The following AIRE variants were observed in gnomAD, a reference collection of about 807,000 sequenced individuals.
AIRE encodes the protein autoimmune regulator.
A neutral mutation model predicts 62.1 loss-of-function variants in AIRE; 52 were observed. The ratio of observed to expected loss-of-function variants is 0.84; its 90% confidence interval spans 0.67 to 1.06. AIRE has a LOEUF of 1.06. Among genes scored for constraint, AIRE ranks in the 50% least tolerant of loss-of-function variants. AIRE has a pLI of 0.00. For synonymous variants in AIRE, 342 were observed against 321.6 expected (o/e 1.06, Z -0.68); for missense variants, 774 against 755.8 (o/e 1.02, Z -0.28).
In AIRE at chr21:44,289,638, A is replaced by G; in HGVS notation, c.653-19A>G. 1.2e-6 allele frequency: 2 copies of G among 1,612,656 alleles called. No homozygotes were observed. The highest frequency in any genetic ancestry group is 2.2e-5 in the South Asian group (2 of 91,078). ...CCTGCTGGGCGGGTGAGCCAGGACC[A>G]GCCGGCATCTCCTCCCAGGCGGCTC... is the stretch of plus-strand genomic sequence containing the variant. On this transcript the variant is annotated intron_variant, in intron 5 of 13. Coordinates refer to ENST00000291582, the MANE Select transcript of AIRE (RefSeq NM_000383.4).
rs754331960 is a variant in AIRE, at chr21:44,288,406, G to A, written c.600G>A (p.Pro200=). The change falls in exon 5 of 14, where the codon CCG becomes CCA. Residue 200 remains proline (P), a synonymous_variant. Transcript: ENST00000291582. ...RAVAMSSGDV[P]GARGAVEGIL... Reference sequence around the variant, plus strand: ...TGGCCATGTCCTCCGGGGACGTCCCGGGAGCCCGAGGGGCCGTGGAGGGGA... The same window carrying A: ...TGGCCATGTCCTCCGGGGACGTCCCAGGAGCCCGAGGGGCCGTGGAGGGGA... 5.1e-5 allele frequency: 82 copies of A among 1,612,506 alleles called. No homozygotes were observed. The highest frequency in any genetic ancestry group is 4.2e-4 in the Admixed American group (25 of 59,996).
In AIRE at chr21:44,285,998, GCCCAC is replaced by G; in HGVS notation, c.-4_1del. 6.5e-7 allele frequency: 1 copy of G among 1,527,448 alleles called. No homozygotes were observed. Among genetic ancestry groups the G allele is most frequent in the African/African-American group, 1.4e-5 (1 of 72,236 alleles). 94.6% of individuals were successfully genotyped at this position (1,527,448 alleles called of 1,614,324 possible). ...GTCCGCCCCAGCCCCGGGTCCCCGC[GCCCAC>G]CCCATGGCGACGGACGCGGCGCTAC... is the stretch of plus-strand genomic sequence containing the variant. On this transcript the variant is annotated 5_prime_UTR_variant, in exon 1 of 14. Coordinates refer to ENST00000291582, the MANE Select transcript of AIRE (RefSeq NM_000383.4).
intron 8 of AIRE, 69 bp downstream of exon 8, chr21:44,291,279 G>A: frequency 2.5e-6 from 4 of 1,572,546 alleles, no homozygotes; most frequent in Non-Finnish European, 3.4e-6. Context: ...CACTGACCCT[G>A]AAGGGAAGCC....
At chr21:44,294,792 G>A (rs2040588355) in intron 12 of AIRE, among the ~76,000 whole-genome samples, 1 of 152,162 alleles carries the variant, frequency 6.6e-6, no homozygotes, top group Non-Finnish European at 1.5e-5. Context: ...GTCCTGCCAG[G>A]GCTCCCTGGT....
chr21:44,290,784 C>T lies in AIRE; in HGVS notation c.880-311C>T, dbSNP rs577524996. ...GGAGAGACCTCCCTGGGCCTGGCCC[C>T]ACTGCCCTGTGAGGAAGGGTTCATG... is the stretch of plus-strand genomic sequence containing the variant. On this transcript the variant is annotated intron_variant, in intron 7 of 13. Coordinates refer to ENST00000291582, the MANE Select transcript of AIRE (RefSeq NM_000383.4). 5 of 1,491,390 alleles carry T rather than the reference C, an allele frequency of 3.4e-6. No individual in the cohort carries two copies. In the East Asian group the frequency reaches 1.2e-4, roughly 36 times the overall value. 92.4% of individuals were successfully genotyped at this position (1,491,390 alleles called of 1,614,324 possible). A position where few individuals can be genotyped will look rare whatever the true frequency, so the allele number is the denominator to read the frequency against.
Position 44,287,745 on chromosome 21 carries a change from A to C in AIRE, c.538+154A>C, listed in dbSNP as rs1479293044. Reference sequence around the variant, plus strand: ...CCAAGGGCCTAAGCTGCACCACCAGACCCAGGAAGGGGACACCTTGGGTCT... The same window carrying C: ...CCAAGGGCCTAAGCTGCACCACCAGCCCCAGGAAGGGGACACCTTGGGTCT... On this transcript the variant is annotated intron_variant, in intron 4 of 13. Coordinates refer to ENST00000291582, the MANE Select transcript of AIRE (RefSeq NM_000383.4). This position sits in a 1 kb window ranked among gnomAD's most constrained non-coding sequence, Gnocchi z 4.3. Among the ~76,000 whole-genome samples the C allele has an allele frequency of 6.6e-6, 1 of 151,766 alleles. No homozygotes were observed. The highest frequency in any genetic ancestry group is 1.5e-5 in the Non-Finnish European group (1 of 67,944).
intron 7 of AIRE, chr21:44,290,343 G>C (rs776886148): frequency 5.8e-4 from 570 of 985,464 alleles, no homozygotes; most frequent in Admixed American, 3.5e-3. Flanking sequence ...AGCTGGGCCC[G>C]TGGGTGGGCC....
chr21:44,293,641 C>T (rs1601969657), intron 10 of AIRE, 148 bp from the exon 11 acceptor site: 9 of 1,345,236 alleles, frequency 6.7e-6, no homozygotes, highest in Non-Finnish European at 9.1e-6. Context: ...GTCCTGCAGC[C>T]TGCGTGGCAC....
intron 8 of AIRE, 89 bp downstream of exon 8, chr21:44,291,299 C>T (rs2040537939): frequency 4.6e-6 from 7 of 1,536,484 alleles, no homozygotes; most frequent in Non-Finnish European, 6.1e-6. Context: ...CACCCCAAGC[C>T]TCTCCCATCC....
intron 8 of AIRE, among the ~76,000 whole-genome samples, chr21:44,291,906 T>C (rs2040544601): frequency 6.6e-6 from 1 of 152,166 alleles, no homozygotes. Context: ...CCTGAAGCCG[T>C]TCCTCCTTGC....
rs760115494 is a variant in AIRE at position 44,292,359 on chromosome 21, G to A, written c.1053G>A (p.Arg351=). The A allele has an allele frequency of 1.9e-5, 30 of 1,571,096 alleles. No individual in the cohort carries two copies. The highest frequency in any genetic ancestry group is 2.4e-5 in the Non-Finnish European group (28 of 1,158,408). ...LQATVQEVQP[R]AEEPRPQEPP... Reference sequence around the variant, plus strand: ...CAACAGTCCAGGAGGTGCAGCCCCGGGCAGAGGAGCCCCGGCCCCAGGAGC... The same window carrying A: ...CAACAGTCCAGGAGGTGCAGCCCCGAGCAGAGGAGCCCCGGCCCCAGGAGC... The change falls in exon 9 of 14, where the codon CGG becomes CGA. Residue 351 remains arginine, a synonymous_variant. Coordinates refer to ENST00000291582, the MANE Select transcript of AIRE (RefSeq NM_000383.4).
chr21:44,287,098 C>G lies in AIRE; in HGVS notation c.428C>G (p.Pro143Arg), dbSNP rs41276642. The change falls in exon 3 of 14, where the codon CCA becomes CGA. Residue 143 changes from proline (P) to arginine (R), a missense_variant. Transcript: ENST00000291582. The surrounding 1 kb of genome is among the most constrained non-coding windows in gnomAD (Gnocchi z 4.3). ...TCAGAAGAGGCTCGAGCTGCCGCGCCAGCAGCCCTGACTCCAAGGGGCACC... is the reference window on the plus strand; with the variant it reads ...TCAGAAGAGGCTCGAGCTGCCGCGCGAGCAGCCCTGACTCCAAGGGGCACC... ...KASEEARAAA[P>R]AALTPRGTAS... The G allele has an allele frequency of 2.5e-6, 4 of 1,612,634 alleles. No individual in the cohort carries two copies. The African/African-American group carries it at 5.3e-5, about 21-fold the overall frequency.
Position 44,293,456 on chromosome 21 carries a change from C to T in AIRE, c.1278+281C>T, listed in dbSNP as rs561484024. On this transcript the variant is annotated intron_variant, in intron 10 of 13. Coordinates refer to ENST00000291582, the MANE Select transcript of AIRE (RefSeq NM_000383.4). ...CACGTGGGAGCCCTCCCCTCCCTGC[C>T]TCAATTCCCTTCCCTGCACCCCTGT... 2.7e-3 allele frequency among the ~76,000 whole-genome samples: 414 copies of T among 152,124 alleles called. 4 individuals are homozygous for T. Among genetic ancestry groups the T allele is most frequent in the African/African-American group, 9.5e-3 (393 of 41,474 alleles).
intron 9 of AIRE, 140 bp downstream of exon 9, chr21:44,292,541 C>A: frequency 3.1e-6 from 2 of 644,860 alleles, no homozygotes; most frequent in East Asian, 5.5e-5. Flanking sequence ...AGCACTATGT[C>A]CCCCATGCCC....
chr21:44,291,489 C>T (rs990747898), intron 8 of AIRE, among the ~76,000 whole-genome samples: 36 of 152,270 alleles, frequency 2.4e-4, no homozygotes, highest in Non-Finnish European at 4.3e-4. Context: ...TGTCCAAGCT[C>T]ATCCCAGGCT....
In AIRE at chr21:44,287,256, G is replaced by C. The variant is rs912713336; in HGVS notation, c.463+123G>C. ...GTGTGGGGCCAGCCTGCCTGGGGCT[G>C]TGGGGGTCTCCTCTGGGTACTAGAC... On this transcript the variant is annotated intron_variant, in intron 3 of 13. Coordinates refer to ENST00000291582, the MANE Select transcript of AIRE (RefSeq NM_000383.4). This position sits in a 1 kb window ranked among gnomAD's most constrained non-coding sequence, Gnocchi z 4.3. The C allele has an allele frequency of 1.6e-6, 2 of 1,231,144 alleles. No homozygotes were observed. The highest frequency in any genetic ancestry group is 2.3e-6 in the Non-Finnish European group (2 of 875,334). 76.3% of individuals were successfully genotyped at this position (1,231,144 alleles called of 1,614,324 possible).
chr21:44,290,965 A>T (rs775495071), intron 7 of AIRE, 130 bp from the exon 8 acceptor site: 2 of 1,612,880 alleles, frequency 1.2e-6, no homozygotes, highest in South Asian at 1.1e-5. Flanking sequence ...GCAGCATGGG[A>T]GCAGGGCAGA....
rs1052590532 is a variant in AIRE, at chr21:44,298,098, C to T, written c.*371C>T. 8 of 306,000 alleles carry T rather than the reference C, an allele frequency of 2.6e-5. No individual in the cohort carries two copies. The highest frequency in any genetic ancestry group is 5.1e-5 in the Non-Finnish European group (8 of 156,808). 19.0% of individuals were successfully genotyped at this position (306,000 alleles called of 1,614,324 possible). ...AGTGAGCTGAGATTGCGCCACTGCA[C>T]TCCAGTCTGGTCGGCAAGAGTGAGA... On this transcript the variant is annotated 3_prime_UTR_variant, in exon 14 of 14. Coordinates refer to ENST00000291582, the MANE Select transcript of AIRE (RefSeq NM_000383.4).
Position 44,298,132 on chromosome 21 carries a change from C to G in AIRE, c.*405C>G. 2 of 250,776 alleles carry G rather than the reference C, an allele frequency of 8.0e-6. No homozygotes were observed. The highest frequency in any genetic ancestry group is 9.5e-5 in the South Asian group (2 of 21,118). The allele number at this position is 250,776 out of a possible 1,614,324, so 15.5% of individuals were successfully genotyped here. On this transcript the variant is annotated 3_prime_UTR_variant, in exon 14 of 14. Coordinates refer to ENST00000291582, the MANE Select transcript of AIRE (RefSeq NM_000383.4). ...GGTCGGCAAGAGTGAGACTCCGTCT[C>G]AAAAACAAAACAAAACAAAAAAACC...
Sources: gnomAD v4.1 joint callset for allele counts (sites outside exome capture counted in the v4.1 genomes callset) on GRCh38, gnomAD v4.1.1 for gene constraint, Gnocchi (gnomAD v3.1) non-coding constraint, MANE v1.5 for transcripts, NCBI Gene and HGNC (gene_info 2026-07-23, HGNC 2026-07-21) for gene names.